Variants in ZFYVE27 observed in about 807,000 individuals in gnomAD.
ZFYVE27 encodes zinc finger FYVE-type containing 27, also known as protrudin.
A neutral mutation model predicts 52.8 loss-of-function variants in ZFYVE27; 36 were observed. That is an observed-to-expected ratio of 0.68 (90% CI 0.52 to 0.90). The LOEUF (loss-of-function observed/expected upper bound fraction) is 0.90. Among genes scored for constraint, ZFYVE27 ranks in the 40% least tolerant of loss-of-function variants. ZFYVE27 has a pLI of 0.00. For missense variants in ZFYVE27, 450 were observed against 527.2 expected, an observed-to-expected ratio of 0.85 and a Z score of 1.43; for synonymous variants, 223 against 215.6, an observed-to-expected ratio of 1.03 and a Z score of -0.30.
intron 4 of ZFYVE27, 85 bp from the exon 5 acceptor site, chr10:97,748,184 C>A: frequency 8.0e-7 from 1 of 1,250,980 alleles, no homozygotes; most frequent in Non-Finnish European, 1.2e-6. Context: ...ATTGACCATC[C>A]CTAGCCAACT....
At chr10:97,745,336 C>T (rs188760047) in intron 4 of ZFYVE27, among the ~76,000 whole-genome samples, 130 of 151,768 alleles carry the variant, frequency 8.6e-4, no homozygotes, top group African/African-American at 2.9e-3. Flanking sequence ...CACACCACCA[C>T]GCCCAGCTAA....
Position 97,744,767 on chromosome 10 carries a change from C to T in ZFYVE27, c.307C>T (p.Pro103Ser). 1 of 1,613,964 alleles carries T rather than the reference C, an allele frequency of 6.2e-7. No individual in the cohort carries two copies. The highest frequency in any genetic ancestry group is 8.5e-7 in the Non-Finnish European group (1 of 1,180,026). Residue 103 changes from proline to serine, a missense_variant, in exon 4 of 13, where the codon CCC becomes TCC. By Grantham distance (74) the Pro-to-Ser change is moderately conservative (BLOSUM62 -1). Coordinates refer to ENST00000684270, the MANE Select transcript of ZFYVE27 (RefSeq NM_001385875.1). ...YSVGALMISV[P>S]ALLGYLQEVC... ...AGTAGGTGCCCTGATGATTTCAGTG[C>T]CCGCCCTGCTGGGCTACCTTCAGGA... is the stretch of plus-strand genomic sequence containing the variant.
At chr10:97,755,204 A>G (rs1230464396) in intron 10 of ZFYVE27, among the ~76,000 whole-genome samples, 2 of 152,188 alleles carry the variant, frequency 1.3e-5, no homozygotes, top group East Asian at 1.9e-4. Flanking sequence ...ACCACTTGCT[A>G]CTTTCCCTTT....
chr10:97,742,946 C>A, intron 2 of ZFYVE27, 148 bp from the exon 3 acceptor site: 1 of 836,474 alleles, frequency 1.2e-6, no homozygotes, highest in Non-Finnish European at 2.0e-6. Flanking sequence ...GTCACCAGTC[C>A]AAGTGAGAGG....
chr10:97,758,627 T>G (rs7099540), intron 12 of ZFYVE27, among the ~76,000 whole-genome samples: 95,803 of 152,120 alleles, frequency 0.63, 32,094 homozygotes, highest in Non-Finnish European at 0.76. Context: ...CAGCCCAAGT[T>G]CTTTTTTCTT....
chr10:97,749,793 G>T (rs1449549806), intron 6 of ZFYVE27, among the ~76,000 whole-genome samples: 2 of 152,304 alleles, frequency 1.3e-5, no homozygotes, highest in South Asian at 4.1e-4. Flanking sequence ...GCTACCATTG[G>T]GCTCCCATCT....
At chr10:97,747,735 C>T (rs1232417735) in intron 4 of ZFYVE27, among the ~76,000 whole-genome samples, 2 of 152,132 alleles carry the variant, frequency 1.3e-5, no homozygotes, top group Non-Finnish European at 2.9e-5. Flanking sequence ...TACTTCCCTG[C>T]CCCAGCCCTG....
chr10:97,758,276 G>A (rs12244857), intron 12 of ZFYVE27: 10,171 of 151,566 alleles, frequency 0.067, 1,052 homozygotes, highest in African/African-American at 0.22. Context: ...CCTGAAAAAT[G>A]TGGTCACATT....
At chr10:97,748,562 GT>G (rs2046076514) in intron 5 of ZFYVE27, among the ~76,000 whole-genome samples, 198 bp downstream of exon 5, 1 of 152,152 alleles carries the variant, frequency 6.6e-6, no homozygotes, top group Admixed American at 6.5e-5. Context: ...GCTTTTATGT[GT>G]GGTAAAAATA....
chr10:97,743,892 C>G (rs2136022084), intron 3 of ZFYVE27, among the ~76,000 whole-genome samples: 1 of 152,340 alleles, frequency 6.6e-6, no homozygotes, highest in Admixed American at 6.5e-5. Context: ...AAGCCAAACC[C>G]CTCAGGGTGA....
At position 97,750,450 on chromosome 10, in the gene ZFYVE27, C is replaced by A. The variant is rs1468621366; in HGVS notation, c.784C>A (p.Pro262Thr). ...GGKDGLMDST[P>T]ALTPTEDLTP... Reference sequence around the variant, plus strand: ...GAAGGATGGTCTGATGGACAGCACGCCTGCCCTCACACCCACGGAGGTAAG... The same window carrying A: ...GAAGGATGGTCTGATGGACAGCACGACTGCCCTCACACCCACGGAGGTAAG... Residue 262 changes from proline (P) to threonine (T), a missense_variant, in exon 7 of 13, where the codon CCT becomes ACT. Transcript: ENST00000684270. 2.5e-6 allele frequency: 4 copies of A among 1,614,148 alleles called. No individual in the cohort carries two copies. Among genetic ancestry groups the A allele is most frequent in the Non-Finnish European group, 3.4e-6 (4 of 1,180,040 alleles).
At chr10:97,757,174 G>A in intron 10 of ZFYVE27, 91 bp from the exon 11 acceptor site, 1 of 1,587,170 alleles carries the variant, frequency 6.3e-7, no homozygotes. Context: ...CTGGGCTGGT[G>A]TCCTGAGTGT....
chr10:97,745,052 G>C lies in ZFYVE27; in HGVS notation c.455+137G>C, dbSNP rs566755794. 27 of 1,061,580 alleles carry C rather than the reference G, an allele frequency of 2.5e-5. No homozygotes were observed. The African/African-American group carries it at 3.8e-4, about 15-fold the overall frequency. 65.8% of individuals were successfully genotyped at this position (1,061,580 alleles called of 1,614,324 possible). A position where few individuals can be genotyped will look rare whatever the true frequency, so the allele number is the denominator to read the frequency against. ...CATTTAACCTTTTTAACAGTTCCGG[G>C]AGGTAGTTAATATTAACATCTTCCA... On this transcript the variant is annotated intron_variant, in intron 4 of 12. Coordinates refer to ENST00000684270, the MANE Select transcript of ZFYVE27 (RefSeq NM_001385875.1).
In ZFYVE27 at chr10:97,759,898, A is replaced by G. The variant is rs934350276; in HGVS notation, c.*598A>G. The G allele has an allele frequency of 1.8e-5, 3 of 169,284 alleles. No individual in the cohort carries two copies. The highest frequency in any genetic ancestry group is 1.6e-4 in the Admixed American group (3 of 18,464). 10.5% of individuals were successfully genotyped at this position (169,284 alleles called of 1,614,324 possible). A position where few individuals can be genotyped will look rare whatever the true frequency, so the allele number is the denominator to read the frequency against. On this transcript the variant is annotated 3_prime_UTR_variant, in exon 13 of 13. Coordinates refer to ENST00000684270, the MANE Select transcript of ZFYVE27 (RefSeq NM_001385875.1). ...CTAGAAACAGGGTTGAAGTTCCCAG[A>G]TTCCCTGAGAGGAGAATGTGTATAG...
Position 97,759,369 on chromosome 10 carries a change from C to T in ZFYVE27, c.*69C>T, listed in dbSNP as rs2049186331. 5 of 1,547,990 alleles carry T rather than the reference C, an allele frequency of 3.2e-6. No homozygotes were observed. The South Asian group carries it at 5.6e-5, about 17-fold the overall frequency. On this transcript the variant is annotated 3_prime_UTR_variant, in exon 13 of 13. Coordinates refer to ENST00000684270, the MANE Select transcript of ZFYVE27 (RefSeq NM_001385875.1). The stretch of plus-strand genomic sequence containing the variant: ...GCAGTAGACCCCCCACTCTCCCCAC[C>T]CCTGGCCCACTGTGGTGTGTGCTGG...
intron 7 of ZFYVE27, 50 bp from the exon 8 acceptor site, chr10:97,751,341 G>A: frequency 6.2e-7 from 1 of 1,602,322 alleles, no homozygotes; most frequent in Non-Finnish European, 8.5e-7. Flanking sequence ...TCTGCCTTAG[G>A]GAGCAGCGCT....
chr10:97,757,573 G>A (rs553102433), intron 11 of ZFYVE27, 69 bp from the exon 12 acceptor site: 1 of 1,526,354 alleles, frequency 6.6e-7, no homozygotes, highest in Non-Finnish European at 9.1e-7. Flanking sequence ...TGGTGGAAAG[G>A]AGGGAGGTGC....
At chr10:97,740,297 G>A (rs931358987) in intron 2 of ZFYVE27, among the ~76,000 whole-genome samples, 1 of 152,222 alleles carries the variant, frequency 6.6e-6, no homozygotes, top group Non-Finnish European at 1.5e-5. Flanking sequence ...GTCTGTATCC[G>A]TAGAGGTGAG....
chr10:97,757,747 G>T lies in ZFYVE27; in HGVS notation c.1171+24G>T, dbSNP rs757491573. The T allele has an allele frequency of 5.6e-6, 9 of 1,612,750 alleles. No homozygotes were observed. In the East Asian group the frequency reaches 1.1e-4, roughly 20 times the overall value. On this transcript the variant is annotated intron_variant, in intron 12 of 12. Transcript: ENST00000684270. ...AGGTGAGTGGTGCAGGTGGTGGGAG[G>T]GCTTGGTTGGTATCCCGCCCAGGGG...
Sources: allele counts gnomAD v4.1 joint callset (sites outside exome capture counted in the v4.1 genomes callset), GRCh38; gene constraint gnomAD v4.1.1; transcripts MANE v1.5; gene names NCBI Gene and HGNC (gene_info 2026-07-23, HGNC 2026-07-21).